The following SLC14A2 variants were observed in gnomAD, a reference collection of about 807,000 sequenced individuals.
SLC14A2 encodes the protein solute carrier family 14 member 2, also known as urea transporter 2.
Under a neutral mutation model 104.6 loss-of-function variants are expected in SLC14A2, and 91 were observed. The ratio of observed to expected loss-of-function variants is 0.87; its 90% CI spans 0.73 to 1.04. The LOEUF (loss-of-function observed/expected upper bound fraction) is 1.04, where lower values mean the gene tolerates loss of function less well. Among genes scored for constraint, SLC14A2 ranks in the 50% least tolerant of loss-of-function variants. SLC14A2 has a pLI of 0.00. For synonymous variants in SLC14A2, 476 were observed against 466.4 expected (o/e 1.02, Z -0.27); for missense variants, 1,189 against 1,156.0 (o/e 1.03, Z -0.41).
intron 1 of SLC14A2, among the ~76,000 whole-genome samples, chr18:45,228,520 C>T (rs946832762): frequency 5.3e-5 from 8 of 152,106 alleles, no homozygotes; most frequent in African/African-American, 1.9e-4. Context: ...GAGTTCATGT[C>T]CAGGTGACTG....
At chr18:45,601,046 C>T (rs1480840129) in intron 2 of SLC14A2, among the ~76,000 whole-genome samples, 2 of 152,166 alleles carry the variant, frequency 1.3e-5, no homozygotes, top group African/African-American at 4.8e-5. Context: ...ACTCAGTCAT[C>T]TGCCTCCAGA....
At chr18:45,175,362 A>AAC in the SLC14A2 span, among the ~76,000 whole-genome samples, 1 of 150,580 alleles carries the variant, frequency 6.6e-6, no homozygotes, top group African/African-American at 2.4e-5. Flanking sequence ...GGTAAAAAAA[A>AAC]GTGTCATAAT....
intron 2 of SLC14A2, among the ~76,000 whole-genome samples, chr18:45,514,336 C>G (rs996688143): frequency 2.0e-5 from 3 of 152,162 alleles, no homozygotes; most frequent in African/African-American, 7.2e-5. Flanking sequence ...TACACACTTT[C>G]AAACAACCAG....
chr18:45,353,648 C>T (rs531076429), intron 1 of SLC14A2, among the ~76,000 whole-genome samples: 62 of 152,266 alleles, frequency 4.1e-4, no homozygotes, highest in African/African-American at 1.4e-3. Flanking sequence ...ATCGTTAAGC[C>T]TCAATGGGAC....
At chr18:45,467,165 T>C (rs1421495909) in intron 1 of SLC14A2, among the ~76,000 whole-genome samples, 1 of 152,098 alleles carries the variant, frequency 6.6e-6, no homozygotes, top group African/African-American at 2.4e-5. Context: ...AAAGGGATTA[T>C]ATTAGACAGG....
At chr18:45,586,964 A>G (rs2044575070) in intron 2 of SLC14A2, among the ~76,000 whole-genome samples, 4 of 151,742 alleles carry the variant, frequency 2.6e-5, no homozygotes, top group Admixed American at 2.0e-4. Flanking sequence ...CCTTACTAGA[A>G]AAAAAAAAGT....
the SLC14A2 span, among the ~76,000 whole-genome samples, chr18:45,170,899 T>C: frequency 8.5e-5 from 13 of 152,096 alleles, no homozygotes; most frequent in Non-Finnish European, 1.3e-4. Context: ...AAGGTGCCAT[T>C]GGGGGTAGGA....
intron 1 of SLC14A2, among the ~76,000 whole-genome samples, chr18:45,326,519 A>G (rs1396839137): frequency 6.6e-6 from 1 of 151,988 alleles, no homozygotes; most frequent in African/African-American, 2.4e-5. Flanking sequence ...CTTCTCCCCA[A>G]CTCCTCTGCC....
chr18:45,356,981 G>C (rs1462249436), intron 1 of SLC14A2, among the ~76,000 whole-genome samples: 1 of 152,208 alleles, frequency 6.6e-6, no homozygotes, highest in East Asian at 1.9e-4. Context: ...CAGCAGGAAG[G>C]ATGATGCAGC....
intron 1 of SLC14A2, among the ~76,000 whole-genome samples, chr18:45,272,667 G>C (rs1013070615): frequency 6.6e-6 from 1 of 152,040 alleles, no homozygotes; most frequent in Non-Finnish European, 1.5e-5. Flanking sequence ...AAAATAGAAT[G>C]AATGAATAAG....
intron 1 of SLC14A2, among the ~76,000 whole-genome samples, chr18:45,471,610 T>C (rs2087249698): frequency 6.6e-6 from 1 of 152,148 alleles, no homozygotes; most frequent in Admixed American, 6.5e-5. Flanking sequence ...TTTTTAACTA[T>C]CCATTTTCAT....
chr18:45,264,917 A>G (rs1599626358), intron 1 of SLC14A2, among the ~76,000 whole-genome samples: 1 of 152,160 alleles, frequency 6.6e-6, no homozygotes, highest in African/African-American at 2.4e-5. Context: ...TGTGCTGGCC[A>G]TATCTCTCCT....
At position 45,393,731 on chromosome 18, in the gene SLC14A2, C is replaced by T. The variant is rs538774592; in HGVS notation, c.-124-89502C>T. Among the ~76,000 whole-genome samples the T allele has an allele frequency of 2.6e-5, 4 of 152,310 alleles. No individual in the cohort carries two copies. In the South Asian group the frequency reaches 8.3e-4, roughly 32 times the overall value. On this transcript the variant is annotated intron_variant, in intron 1 of 20. Coordinates refer to the SLC14A2 transcript ENST00000586448. ...CCCATTCCTTCTTGGATAGCTCTGG[C>T]CTGCTTTGCAGGCTGGATGCACAAC...
chr18:45,513,489 G>A (rs2043395883), intron 2 of SLC14A2, among the ~76,000 whole-genome samples: 1 of 152,170 alleles, frequency 6.6e-6, no homozygotes, highest in African/African-American at 2.4e-5. Flanking sequence ...ATTGTGTAAT[G>A]GCACTTCATT....
chr18:45,220,321 A>G (rs1305202227), intron 1 of SLC14A2, among the ~76,000 whole-genome samples: 2 of 152,224 alleles, frequency 1.3e-5, no homozygotes, highest in African/African-American at 2.4e-5. Context: ...AACACCATCT[A>G]GAAGGAAATG....
intron 1 of SLC14A2, among the ~76,000 whole-genome samples, chr18:45,376,883 C>T (rs559158879): frequency 6.6e-5 from 10 of 152,284 alleles, no homozygotes; most frequent in African/African-American, 2.2e-4. Context: ...TTCTCTTGCT[C>T]ATACTTTTCA....
intron 12 of SLC14A2, 71 bp from the exon 13 acceptor site, chr18:45,666,864 C>T (rs1030660872): frequency 7.4e-7 from 1 of 1,347,912 alleles, no homozygotes; most frequent in Non-Finnish European, 1.0e-6. Context: ...CCCTGAGTGA[C>T]CACAAACATG....
At chr18:45,381,860 C>T (rs933070065) in intron 1 of SLC14A2, among the ~76,000 whole-genome samples, 2 of 152,132 alleles carry the variant, frequency 1.3e-5, no homozygotes, top group Middle Eastern at 3.4e-3. Context: ...CCAGTGGCAG[C>T]GGGCTGGACA....
rs746835554 is a variant in SLC14A2, at chr18:45,644,019, CT to C, written c.1212del (p.Ala405ProfsTer8). On this transcript the variant is annotated frameshift_variant, in exon 10 of 20. Coordinates refer to ENST00000255226, the MANE Select transcript of SLC14A2 (RefSeq NM_007163.4). LOFTEE classifies it high-confidence loss of function. Reference protein sequence around the residue: ...GVPPGTWAFCLATIIFLLLTT... With the variant: ...GVPPGTWAFCXATIIFLLLTT... ...GCCACCAGGCACCTGGGCCTTCTGC[CT>C]TGCCACCATCATCTTCCTGCTCCTG... 5.7e-5 allele frequency: 92 copies of C among 1,614,066 alleles called. No homozygotes were observed. The highest frequency in any genetic ancestry group is 6.2e-5 in the Non-Finnish European group (73 of 1,180,022).
Sources: allele counts gnomAD v4.1 joint callset (sites outside exome capture counted in the v4.1 genomes callset), GRCh38; gene constraint gnomAD v4.1.1; transcripts MANE v1.5; gene names NCBI Gene and HGNC (gene_info 2026-07-23, HGNC 2026-07-21).